The following LARGE1 variants were observed in gnomAD, a reference collection of about 807,000 sequenced individuals.
LARGE1 encodes the protein LARGE xylosyl- and glucuronyltransferase 1, also known as xylosyl- and glucuronyltransferase LARGE1.
LARGE1 carries 43 observed loss-of-function variants against 87.6 expected under a neutral mutation model. The observed-to-expected ratio is 0.49, with a 90% confidence interval of 0.38 to 0.63. The LOEUF (loss-of-function observed/expected upper bound fraction) is 0.63. LARGE1 is among the 30% of genes least tolerant of loss of function. The pLI is 0.00. For missense variants in LARGE1, 802 were observed against 1,000.2 expected (o/e 0.80, Z 2.67); for synonymous variants, 434 against 394.6 (o/e 1.10, Z -1.18).
chr22:33,551,848 G>T (rs187846847), intron 6 of LARGE1, among the ~76,000 whole-genome samples: 60 of 152,076 alleles, frequency 3.9e-4, no homozygotes, highest in Non-Finnish European at 6.8e-4. Flanking sequence ...AAAAAATTTA[G>T]CCGGGCGTGA....
At chr22:33,767,816 C>T (rs1323983246) in intron 1 of LARGE1, among the ~76,000 whole-genome samples, 1 of 152,074 alleles carries the variant, frequency 6.6e-6, no homozygotes, top group African/African-American at 2.4e-5. Context: ...TGGCTCAAAC[C>T]CTTCAGAATT....
At chr22:33,757,554 T>C (rs1347793983) in intron 2 of LARGE1, among the ~76,000 whole-genome samples, 4 of 152,280 alleles carry the variant, frequency 2.6e-5, no homozygotes, top group Non-Finnish European at 4.4e-5. Context: ...TCTCTCAATA[T>C]ATCATGCTGC....
intron 10 of LARGE1, among the ~76,000 whole-genome samples, chr22:33,333,013 C>CTTTTTTTTTTT (rs113084979): frequency 0.021 from 2,898 of 140,342 alleles, 199 homozygotes; most frequent in African/African-American, 0.079. Context: ...GGGCAATGTC[C>CTTTTTTTTTTT]TTTTTTTTTT....
intron 6 of LARGE1, among the ~76,000 whole-genome samples, chr22:33,524,522 G>A (rs189635916): frequency 1.4e-4 from 22 of 151,924 alleles, no homozygotes; most frequent in African/African-American, 2.9e-4. Context: ...GCCACATAAC[G>A]TCTCACCCCT....
chr22:33,340,315 C>T (rs1237782338), intron 9 of LARGE1, among the ~76,000 whole-genome samples: 3 of 151,724 alleles, frequency 2.0e-5, no homozygotes, highest in South Asian at 2.1e-4. Context: ...CACAGGGACC[C>T]AGGAGACTGA....
At chr22:33,176,552 CA>C (rs1922883408) in intron 11 of LARGE1, among the ~76,000 whole-genome samples, 1 of 152,090 alleles carries the variant, frequency 6.6e-6, no homozygotes, top group African/African-American at 2.4e-5. Flanking sequence ...AAACTTATGA[CA>C]AAATGCTCAT....
chr22:33,388,052 A>C, intron 7 of LARGE1, among the ~76,000 whole-genome samples: 2 of 152,242 alleles, frequency 1.3e-5, no homozygotes, highest in South Asian at 4.1e-4. Flanking sequence ...TGGTATTTTT[A>C]GTGTGTTTTG....
At chr22:33,695,547 CT>C (rs1379391293) in intron 2 of LARGE1, among the ~76,000 whole-genome samples, 2 of 152,130 alleles carry the variant, frequency 1.3e-5, no homozygotes, top group Non-Finnish European at 2.9e-5. Context: ...ATAGCTGCCC[CT>C]GTGATGTACC....
the LARGE1 span, among the ~76,000 whole-genome samples, chr22:33,114,045 AT>A: frequency 1.9e-3 from 263 of 135,560 alleles, 6 homozygotes; most frequent in East Asian, 5.2e-3. Context: ...TAATTTTTCT[AT>A]TTTTTTTTTT....
At chr22:33,775,996 G>A (rs2085223494) in intron 1 of LARGE1, among the ~76,000 whole-genome samples, 1 of 152,196 alleles carries the variant, frequency 6.6e-6, no homozygotes, top group African/African-American at 2.4e-5. Context: ...ATAAGGCTGA[G>A]ACTGAGAAAA....
the LARGE1 span, among the ~76,000 whole-genome samples, chr22:33,140,376 T>C: frequency 2.0e-5 from 3 of 152,212 alleles, no homozygotes; most frequent in African/African-American, 4.8e-5. Context: ...CAGTCTCTTG[T>C]TCTTACTGAG....
chr22:33,893,628 A>G (rs1017992541), intron 1 of LARGE1, among the ~76,000 whole-genome samples: 1 of 152,226 alleles, frequency 6.6e-6, no homozygotes, highest in Non-Finnish European at 1.5e-5. Flanking sequence ...AGTGACCTTA[A>G]GACTTCTGTG....
chr22:33,920,655 A>C (rs1339922000), upstream of LARGE1, among the ~76,000 whole-genome samples: 2 of 144,426 alleles, frequency 1.4e-5, no homozygotes, highest in African/African-American at 4.9e-5. Context: ...CGCCCCGGGA[A>C]GGTCACGGGA....
At chr22:33,079,390 G>T in the LARGE1 span, among the ~76,000 whole-genome samples, 2 of 151,744 alleles carry the variant, frequency 1.3e-5, no homozygotes, top group African/African-American at 2.4e-5. Flanking sequence ...ACCACGCCCG[G>T]ATAATTTTTT....
intron 6 of LARGE1, among the ~76,000 whole-genome samples, chr22:33,506,949 T>C (rs2070793937): frequency 6.6e-6 from 1 of 152,120 alleles, no homozygotes; most frequent in Non-Finnish European, 1.5e-5. Flanking sequence ...CAAAGCAGAC[T>C]GTACCCCCAG....
At chr22:33,718,570 C>T (rs771776896) in intron 2 of LARGE1, among the ~76,000 whole-genome samples, 3 of 152,216 alleles carry the variant, frequency 2.0e-5, no homozygotes, top group Non-Finnish European at 2.9e-5. Flanking sequence ...CTTTTTGGCT[C>T]GCCACATGGC....
At chr22:33,632,627 A>G (rs968019796) in intron 3 of LARGE1, among the ~76,000 whole-genome samples, 1 of 151,604 alleles carries the variant, frequency 6.6e-6, no homozygotes, top group Admixed American at 6.6e-5. Flanking sequence ...AGCCCTGCCC[A>G]TACCTCTTGG....
intron 1 of LARGE1, among the ~76,000 whole-genome samples, chr22:33,819,912 C>G (rs969832877): frequency 1.3e-5 from 2 of 152,170 alleles, no homozygotes. Flanking sequence ...AAGTCCTAGC[C>G]AGTAGGACAT....
At chr22:33,679,191 G>A (rs1024306720) in intron 2 of LARGE1, among the ~76,000 whole-genome samples, 1 of 152,188 alleles carries the variant, frequency 6.6e-6, no homozygotes, top group African/African-American at 2.4e-5. Context: ...CAAGCACTCA[G>A]ATATTCAATC....
Sources: allele counts gnomAD v4.1 joint callset (sites outside exome capture counted in the v4.1 genomes callset), GRCh38; gene constraint gnomAD v4.1.1; transcripts MANE v1.5; gene names NCBI Gene and HGNC (gene_info 2026-07-23, HGNC 2026-07-21).